The following FAT2 variants were observed in gnomAD, a reference collection of about 807,000 sequenced individuals.
FAT2 encodes the protein protocadherin Fat 2.
A neutral mutation model predicts 295.3 loss-of-function variants in FAT2; 150 were observed. The ratio of observed to expected loss-of-function variants is 0.51; its 90% CI spans 0.44 to 0.58. FAT2 has a LOEUF of 0.58. Ranked by LOEUF, FAT2 falls within the 20% of genes least tolerant of loss-of-function variation. FAT2 has a pLI of 0.00. For synonymous variants in FAT2, 2,026 were observed against 2,150.3 expected (o/e 0.94, Z 1.60); for missense variants, 4,868 against 5,442.7 (o/e 0.89, Z 3.32).
In FAT2 at chr5:151,543,522, G is replaced by A. The variant is rs564121520; in HGVS notation, c.7605C>T (p.Gly2535=). Residue 2535 remains glycine, a synonymous_variant, in exon 10 of 24, where the codon GGC becomes GGT. Coordinates refer to ENST00000261800, the MANE Select transcript of FAT2 (RefSeq NM_001447.3). ...ASEKFSINPN[G]QIATLQKLDR... is the part of the protein sequence containing the mutation. ...CCAGTTTCTGCAGAGTGGCAATCTG[G>A]CCATTGGGGTTTATGGAGAACTTCT... 65 of 1,614,076 alleles carry A rather than the reference G, an allele frequency of 4.0e-5. No homozygotes were observed. Among genetic ancestry groups the A allele is most frequent in the Non-Finnish European group, 5.3e-5 (63 of 1,180,044 alleles).
intron 1 of FAT2, among the ~76,000 whole-genome samples, chr5:151,571,718 G>A (rs1336194786): frequency 6.6e-6 from 1 of 152,224 alleles, no homozygotes. Flanking sequence ...GAACAAGCTT[G>A]CAGGGCGCAG....
At position 151,543,094 on chromosome 5, in the gene FAT2, C is replaced by T. The variant is rs373844920; in HGVS notation, c.8033G>A (p.Arg2678Gln). 1.5e-5 allele frequency: 24 copies of T among 1,613,992 alleles called. No individual in the cohort carries two copies. The East Asian group carries it at 2.7e-4, about 18-fold the overall frequency. Residue 2678 changes from arginine to glutamine, a missense_variant, in exon 10 of 24, where the codon CGA becomes CAA. By Grantham distance (43) the Arg-to-Gln change is conservative. This residue lies in a region of FAT2 where 3,297 missense variants were observed against 3,669.4 expected (regional missense o/e 0.90). Coordinates refer to ENST00000261800, the MANE Select transcript of FAT2 (RefSeq NM_001447.3). ...TACTTTTTTAGGAACCACCTGAAGTCGTACTGGCACCAGAGAGTTCCAGTG... is the reference window on the plus strand; with the variant it reads ...TACTTTTTTAGGAACCACCTGAAGTTGTACTGGCACCAGAGAGTTCCAGTG... ...PPHWNSLVPV[R>Q]LQVVPKKVSL...
chr5:151,550,791 C>T lies in FAT2; in HGVS notation c.4377G>A (p.Gln1459=). The part of the protein sequence containing the change: ...LETRYEVRVP[Q]DTVPGVELLR... ...GGAGCTCTACCCCTGGCACGGTGTC[C>T]TGGGGAACTCTGACTTCATAACGAG... is the stretch of plus-strand genomic sequence containing the variant. The change falls in exon 8 of 24, where the codon CAG becomes CAA. Residue 1459 remains glutamine (Q), a synonymous_variant. Transcript: ENST00000261800. 1.2e-6 allele frequency: 2 copies of T among 1,614,030 alleles called. No individual in the cohort carries two copies. The highest frequency in any genetic ancestry group is 1.1e-5 in the South Asian group (1 of 91,058).
At position 151,550,597 on chromosome 5, in the gene FAT2, G is replaced by A; in HGVS notation, c.4571C>T (p.Thr1524Ile). 6.2e-7 allele frequency: 1 copy of A among 1,614,084 alleles called. No individual in the cohort carries two copies. Among genetic ancestry groups the A allele is most frequent in the Non-Finnish European group, 8.5e-7 (1 of 1,179,982 alleles). The change falls in exon 8 of 24, where the codon ACA (threonine) becomes ATA (isoleucine). Residue 1524 changes from threonine to isoleucine, a missense_variant. Around this residue, in one of 5 missense-constraint regions of FAT2, gnomAD observed 3,297 missense variants for 3,669.4 expected, o/e 0.90. Coordinates refer to ENST00000261800, the MANE Select transcript of FAT2 (RefSeq NM_001447.3). Reference protein sequence around the residue: ...LGSGPSQHTLTVMVRDQEIPI... With the variant: ...LGSGPSQHTLIVMVRDQEIPI... ...ATTTTTCCATTTACTCACCATGACTGTCAGTGTGTGCTGGGAGGGCCCCGA... is the reference window on the plus strand; with the variant it reads ...ATTTTTCCATTTACTCACCATGACTATCAGTGTGTGCTGGGAGGGCCCCGA...
At chr5:151,526,960 A>G (rs532813568) in intron 17 of FAT2, among the ~76,000 whole-genome samples, 8 of 152,368 alleles carry the variant, frequency 5.3e-5, no homozygotes, top group Admixed American at 5.2e-4. Context: ...GCATGTTTTC[A>G]TACCTCAATC....
intron 12 of FAT2, among the ~76,000 whole-genome samples, chr5:151,535,140 G>A (rs1208341082): frequency 6.6e-6 from 1 of 151,666 alleles, no homozygotes; most frequent in Non-Finnish European, 1.5e-5. Context: ...TTATGATTTA[G>A]CCACACAGTA....
At position 151,507,502 on chromosome 5, in the gene FAT2, C is replaced by T. The variant is rs867210819; in HGVS notation, c.12169G>A (p.Ala4057Thr). ...QELLIITVAV[A>T]FIIISTVGLL... ...CCGACAGTGCTTATGATAATGAACG[C>T]CACGGCCACTGTGATGATCAGTAAC... is the stretch of plus-strand genomic sequence containing the variant. Residue 4057 changes from alanine to threonine, a missense_variant, in exon 23 of 24, where the codon GCG (alanine) becomes ACG (threonine). This residue lies in a region of FAT2 where 492 missense variants were observed against 482.6 expected (regional missense o/e 1.02). Coordinates refer to ENST00000261800, the MANE Select transcript of FAT2 (RefSeq NM_001447.3). 3 of 1,614,160 alleles carry T rather than the reference C, an allele frequency of 1.9e-6. No homozygotes were observed. In the African/African-American group the frequency reaches 4.0e-5, roughly 22 times the overall value.
chr5:151,551,420 C>T, intron 7 of FAT2, 47 bp downstream of exon 7: 1 of 1,596,308 alleles, frequency 6.3e-7, no homozygotes. Flanking sequence ...ACCAAGAAGG[C>T]CTTCCATCTC....
At chr5:151,507,098 G>A in intron 23 of FAT2, 56 bp downstream of exon 23, 5 of 1,469,724 alleles carry the variant, frequency 3.4e-6, no homozygotes, top group Non-Finnish European at 4.6e-6. Context: ...GGAGTGTTTA[G>A]AACCACCACC....
At chr5:151,533,785 T>C (rs952574297) in intron 13 of FAT2, among the ~76,000 whole-genome samples, 3 of 152,062 alleles carry the variant, frequency 2.0e-5, no homozygotes, top group African/African-American at 7.2e-5. Context: ...TAATGAGTTA[T>C]ATATATGTAT....
chr5:151,510,101 T>C lies in FAT2; in HGVS notation c.11979A>G (p.Ala3993=), dbSNP rs773373065. Residue 3993 remains alanine, a synonymous_variant, in exon 22 of 24, where the codon GCA becomes GCG. Transcript: ENST00000261800. The part of the protein sequence containing the change: ...CEQGRENCTF[A]PCLEGGTCIL... Reference sequence around the variant, plus strand: ...TGCAAGTTCCACCTTCCAGGCAGGGTGCAAAAGTACAGTTCTCCCTTCCTT... The same window carrying C: ...TGCAAGTTCCACCTTCCAGGCAGGGCGCAAAAGTACAGTTCTCCCTTCCTT... The C allele has an allele frequency of 6.2e-7, 1 of 1,614,162 alleles. No homozygotes were observed. Among genetic ancestry groups the C allele is most frequent in the East Asian group, 2.2e-5 (1 of 44,882 alleles).
intron 1 of FAT2, among the ~76,000 whole-genome samples, chr5:151,587,375 A>T (rs1759219706): frequency 6.6e-6 from 1 of 152,108 alleles, no homozygotes; most frequent in Admixed American, 6.5e-5. Flanking sequence ...GCCCCAACCT[A>T]TCTCTCAGAC....
intron 1 of FAT2, among the ~76,000 whole-genome samples, chr5:151,588,021 A>G (rs780886903): frequency 7.2e-5 from 11 of 152,222 alleles, no homozygotes; most frequent in Non-Finnish European, 1.5e-4. Context: ...AATGGGAGCA[A>G]TGATTCTTCA....
intron 1 of FAT2, among the ~76,000 whole-genome samples, chr5:151,571,506 C>T (rs1054118888): frequency 1.8e-4 from 27 of 152,254 alleles, no homozygotes; most frequent in East Asian, 3.9e-4. Context: ...GCAATGCAGG[C>T]GCCGTTAAGA....
Position 151,522,051 on chromosome 5 carries a change from C to T in FAT2, c.10542G>A (p.Leu3514=), listed in dbSNP as rs773810958. The T allele has an allele frequency of 8.1e-6, 13 of 1,604,400 alleles. No homozygotes were observed. Among genetic ancestry groups the T allele is most frequent in the East Asian group, 2.2e-5 (1 of 44,594 alleles). The change falls in exon 19 of 24, where the codon TTG becomes TTA. Residue 3514 remains leucine (L), a synonymous_variant. Coordinates refer to ENST00000261800, the MANE Select transcript of FAT2 (RefSeq NM_001447.3). ...CTGTGACATGGACACGGACAGACGT[C>T]AAAGACGAGAGGGGAGGGATGCCAC... The part of the protein sequence containing the change: ...SDSGIPPLSS[L]TSVRVHVTEQ...
chr5:151,505,952 G>A lies in FAT2; in HGVS notation c.12663C>T (p.Gly4221=), dbSNP rs376943096. The A allele has an allele frequency of 3.8e-6, 6 of 1,575,504 alleles. No individual in the cohort carries two copies. The African/African-American group carries it at 8.2e-5, about 22-fold the overall frequency. ...GGGGGAAGGGGAAGCCCCCATAGAGGCCATTAGGCTCTGGCATCACGACTG... is the reference window on the plus strand; with the variant it reads ...GGGGGAAGGGGAAGCCCCCATAGAGACCATTAGGCTCTGGCATCACGACTG... The part of the protein sequence containing the change: ...STPVVMPEPN[G]LYGGFPFPLE... The change falls in exon 24 of 24, where the codon GGC becomes GGT. Residue 4221 remains glycine, a synonymous_variant. Transcript: ENST00000261800.
intron 1 of FAT2, among the ~76,000 whole-genome samples, chr5:151,575,000 A>G (rs1758692639): frequency 6.6e-6 from 1 of 152,230 alleles, no homozygotes; most frequent in Admixed American, 6.5e-5. Context: ...AAAACAGATA[A>G]TTTGACAGGT....
At chr5:151,577,099 G>A (rs549056562) in intron 1 of FAT2, among the ~76,000 whole-genome samples, 4 of 152,234 alleles carry the variant, frequency 2.6e-5, no homozygotes, top group South Asian at 2.1e-4. Context: ...GACTGTATAC[G>A]CATCTTTATA....
At chr5:151,592,216 A>G (rs144112358), upstream of FAT2, among the ~76,000 whole-genome samples, 1 of 152,196 alleles carries the variant, frequency 6.6e-6, no homozygotes, top group Non-Finnish European at 1.5e-5. Context: ...GAAAGGGAGA[A>G]GAGTTAGACA....
Sources: gnomAD v4.1 joint callset for allele counts (sites outside exome capture counted in the v4.1 genomes callset) on GRCh38, gnomAD v4.1.1 for gene constraint, gnomAD v4.1.1 regional missense constraint, MANE v1.5 for transcripts, NCBI Gene and HGNC (gene_info 2026-07-23, HGNC 2026-07-21) for gene names.